AP1AR: variants seen among roughly 807,000 people sequenced by gnomAD.
The protein encoded by AP1AR is adaptor related protein complex 1 associated regulatory protein, also known as AP-1 complex-associated regulatory protein.
A neutral mutation model predicts 46.3 loss-of-function variants in AP1AR; 29 were observed. The observed-to-expected ratio is 0.63, with a 90% CI of 0.47 to 0.85. AP1AR has a LOEUF of 0.85. Ranked by LOEUF, AP1AR falls within the 40% of genes least tolerant of loss-of-function variation. AP1AR has a pLI of 0.00. For synonymous variants in AP1AR, 122 were observed against 122.9 expected (o/e 0.99, Z 0.05); for missense variants, 357 against 356.3 (o/e 1.00, Z -0.02).
Position 112,232,129 on chromosome 4 carries a change from T to C in AP1AR, c.38T>C (p.Leu13Pro), listed in dbSNP as rs542516929. 19 of 1,284,700 alleles carry C rather than the reference T, an allele frequency of 1.5e-5. No individual in the cohort carries two copies. Among genetic ancestry groups the C allele is most frequent in the South Asian group, 2.7e-5 (1 of 36,530 alleles). 79.6% of individuals were successfully genotyped at this position (1,284,700 alleles called of 1,614,324 possible). Residue 13 changes from leucine to proline, a missense_variant, in exon 1 of 10, where the codon CTT becomes CCT. Leu to Pro is a moderately conservative substitution (Grantham distance 98). Around this residue, in one of 2 missense-constraint regions of AP1AR, gnomAD observed 269 missense variants for 223.6 expected, o/e 1.20. Transcript: ENST00000274000. ...TGCTGGACGCAGTGCTTCGGACTGC[T>C]TCGCAAGGAAGCGGGGCGGCTGCAG... Reference protein sequence around the residue: ...NCCWTQCFGLLRKEAGRLQRV... With the variant: ...NCCWTQCFGLPRKEAGRLQRV...
At chr4:112,253,545 G>A (rs1240199958) in intron 2 of AP1AR, among the ~76,000 whole-genome samples, 1 of 152,224 alleles carries the variant, frequency 6.6e-6, no homozygotes. Flanking sequence ...AGGGTATAAC[G>A]AGAGGTGGTT....
intron 1 of AP1AR, among the ~76,000 whole-genome samples, chr4:112,239,577 A>G (rs1725392884): frequency 6.6e-6 from 1 of 152,186 alleles, no homozygotes. Flanking sequence ...TTTCCAGTCC[A>G]TCCTCAAGAC....
In AP1AR at chr4:112,272,214, T is replaced by C. The variant is rs1042979668; in HGVS notation, c.*3805T>C. Among the ~76,000 whole-genome samples the C allele has an allele frequency of 1.3e-5, 2 of 152,068 alleles. No individual in the cohort carries two copies. Among genetic ancestry groups the C allele is most frequent in the Admixed American group, 1.3e-4 (2 of 15,260 alleles). ...AGAAGGGTTTTTATTTAAAAGATACTAGCTTTAGAGTAGATAGGCAGATAT... is the reference window on the plus strand; with the variant it reads ...AGAAGGGTTTTTATTTAAAAGATACCAGCTTTAGAGTAGATAGGCAGATAT... On this transcript the variant is annotated 3_prime_UTR_variant, in exon 10 of 10. Coordinates refer to ENST00000274000, the MANE Select transcript of AP1AR (RefSeq NM_018569.6).
intron 1 of AP1AR, among the ~76,000 whole-genome samples, chr4:112,246,414 G>GA: frequency 6.6e-6 from 1 of 152,304 alleles, no homozygotes; most frequent in East Asian, 1.9e-4. Context: ...GCTGAGGCAG[G>GA]AAAATCGCTT....
intron 5 of AP1AR, among the ~76,000 whole-genome samples, chr4:112,262,736 T>G (rs1726507558): frequency 6.6e-6 from 1 of 152,220 alleles, no homozygotes. Flanking sequence ...ACTTCTATAT[T>G]TATACAGAAT....
chr4:112,251,952 C>G (rs1240597084), intron 1 of AP1AR, among the ~76,000 whole-genome samples: 7 of 152,154 alleles, frequency 4.6e-5, no homozygotes, highest in African/African-American at 1.7e-4. Flanking sequence ...ATGGCATTCT[C>G]TTTCACTAAA....
chr4:112,259,921 C>T (rs1452670893), intron 4 of AP1AR, among the ~76,000 whole-genome samples: 1 of 152,164 alleles, frequency 6.6e-6, no homozygotes, highest in South Asian at 2.1e-4. Flanking sequence ...GTTGATACTC[C>T]TCATTTCTTA....
At chr4:112,262,490 C>T (rs547497656) in intron 5 of AP1AR, among the ~76,000 whole-genome samples, 3 of 152,218 alleles carry the variant, frequency 2.0e-5, no homozygotes, top group Admixed American at 6.5e-5. Context: ...CAAGAACTTA[C>T]ATTTGAAAGT....
At chr4:112,247,658 T>C (rs2110475017) in intron 1 of AP1AR, among the ~76,000 whole-genome samples, 1 of 152,352 alleles carries the variant, frequency 6.6e-6, no homozygotes, top group South Asian at 2.1e-4. Context: ...ACTCCCACTA[T>C]TGTTACTGTG....
intron 5 of AP1AR, among the ~76,000 whole-genome samples, chr4:112,261,788 G>A (rs1449692698): frequency 6.6e-6 from 1 of 151,724 alleles, no homozygotes; most frequent in Non-Finnish European, 1.5e-5. Flanking sequence ...GGGCAACATG[G>A]TGAAAACCCA....
intron 1 of AP1AR, among the ~76,000 whole-genome samples, chr4:112,252,470 C>T (rs1310692609): frequency 6.6e-6 from 1 of 152,196 alleles, no homozygotes; most frequent in East Asian, 1.9e-4. Flanking sequence ...TTACAAAGGA[C>T]TGTGAGTGGC....
chr4:112,238,206 T>C (rs956103243), intron 1 of AP1AR, among the ~76,000 whole-genome samples: 11 of 152,260 alleles, frequency 7.2e-5, no homozygotes, highest in Non-Finnish European at 1.5e-4. Flanking sequence ...TATCACTCTC[T>C]CCATTCTCAG....
At position 112,268,763 on chromosome 4, in the gene AP1AR, C is replaced by T; in HGVS notation, c.*354C>T. 6.0e-6 allele frequency: 1 copy of T among 165,312 alleles called. No homozygotes were observed. Among genetic ancestry groups the T allele is most frequent in the Non-Finnish European group, 1.3e-5 (1 of 77,166 alleles). 10.2% of individuals were successfully genotyped at this position (165,312 alleles called of 1,614,324 possible). The stretch of plus-strand genomic sequence containing the variant: ...TGATTTATGAAGCCTATTTCATTGT[C>T]TAACTATGAAAATATTAAGACTTTT... On this transcript the variant is annotated 3_prime_UTR_variant, in exon 10 of 10. Transcript: ENST00000274000.
At chr4:112,262,731 T>C (rs1384040221) in intron 5 of AP1AR, among the ~76,000 whole-genome samples, 1 of 152,244 alleles carries the variant, frequency 6.6e-6, no homozygotes, top group Admixed American at 6.5e-5. Flanking sequence ...GAAACACTTC[T>C]ATATTTATAC....
chr4:112,239,861 A>G (rs1184296806), intron 1 of AP1AR, among the ~76,000 whole-genome samples: 1 of 152,200 alleles, frequency 6.6e-6, no homozygotes, highest in Non-Finnish European at 1.5e-5. Flanking sequence ...TTGTTCCTGT[A>G]TCTCCAGTGT....
rs146214244 is a variant in AP1AR, at chr4:112,246,379, G to A, written c.84-6829G>A. 5.8e-3 allele frequency among the ~76,000 whole-genome samples: 878 copies of A among 152,264 alleles called. 7 individuals carry two copies. The highest frequency in any genetic ancestry group is 0.019 in the African/African-American group (799 of 41,546). On this transcript the variant is annotated intron_variant, in intron 1 of 9. Coordinates refer to ENST00000274000, the MANE Select transcript of AP1AR (RefSeq NM_018569.6). ...AAATCAGCTGGGCATGGTGGTGCAC[G>A]CCTGTAGGCCCAGCTACTTGGGAGG...
intron 1 of AP1AR, among the ~76,000 whole-genome samples, chr4:112,233,510 C>T (rs892564571): frequency 2.0e-5 from 3 of 152,318 alleles, no homozygotes; most frequent in East Asian, 1.9e-4. Context: ...AGTAGGCTTG[C>T]CCAATAACTA....
intron 1 of AP1AR, among the ~76,000 whole-genome samples, chr4:112,233,714 G>C (rs1725119548): frequency 6.6e-6 from 1 of 152,202 alleles, no homozygotes; most frequent in Non-Finnish European, 1.5e-5. Flanking sequence ...TGGGGTCTCC[G>C]TAGAGTACGG....
chr4:112,260,710 T>TA (rs1312981840), intron 4 of AP1AR, 56 bp from the exon 5 acceptor site: 6 of 1,175,768 alleles, frequency 5.1e-6, no homozygotes, highest in Non-Finnish European at 7.2e-6. Context: ...TATTTGGACT[T>TA]AGACTCATCA....
Sources: allele counts gnomAD v4.1 joint callset (sites outside exome capture counted in the v4.1 genomes callset), GRCh38; gene constraint gnomAD v4.1.1; regional missense constraint gnomAD v4.1.1; transcripts MANE v1.5; gene names NCBI Gene and HGNC (gene_info 2026-07-23, HGNC 2026-07-21).